The following CACNA2D1 variants were observed in gnomAD, a reference collection of about 807,000 sequenced individuals.
CACNA2D1 encodes calcium voltage-gated channel auxiliary subunit alpha2delta 1, also known as voltage-dependent calcium channel subunit alpha-2/delta-1.
CACNA2D1 carries 53 observed loss-of-function variants against 171.5 expected under a neutral mutation model. That is an observed-to-expected ratio of 0.31 (90% CI 0.25 to 0.39). The LOEUF (loss-of-function observed/expected upper bound fraction) is 0.39, where lower values mean the gene tolerates loss of function less well. Among genes scored for constraint, CACNA2D1 ranks in the 10% least tolerant of loss-of-function variants. The probability of loss-of-function intolerance (pLI) is 1.00; values close to 1 mark genes in which losing one functional copy is unlikely to be tolerated. For synonymous variants in CACNA2D1, 442 were observed against 443.1 expected (o/e 1.00, Z 0.03); for missense variants, 903 against 1,299.8 (o/e 0.69, Z 4.69).
intron 22 of CACNA2D1, 133 bp downstream of exon 22, chr7:81,984,502 A>G: frequency 1.5e-6 from 1 of 688,058 alleles, no homozygotes; most frequent in Admixed American, 2.0e-5. Context: ...GGTTAGAATC[A>G]TTGCTGTAGA....
chr7:82,030,172 AATG>A (rs1802500928), intron 12 of CACNA2D1, among the ~76,000 whole-genome samples: 1 of 151,862 alleles, frequency 6.6e-6, no homozygotes, highest in Non-Finnish European at 1.5e-5. Flanking sequence ...ATTTCAAGAT[AATG>A]ATATTTAGAT....
chr7:82,037,573 C>T (rs1416411181), intron 11 of CACNA2D1, among the ~76,000 whole-genome samples: 1 of 152,112 alleles, frequency 6.6e-6, no homozygotes. Context: ...GGAATCCTCA[C>T]TCAGAAAGAA....
chr7:82,157,357 T>G (rs1403360535), intron 4 of CACNA2D1, among the ~76,000 whole-genome samples: 6 of 152,132 alleles, frequency 3.9e-5, no homozygotes. Context: ...GAAAATGGCT[T>G]ATAATGTGAT....
At chr7:81,997,925 G>A (rs1372268290) in intron 18 of CACNA2D1, among the ~76,000 whole-genome samples, 1 of 151,754 alleles carries the variant, frequency 6.6e-6, no homozygotes, top group East Asian at 1.9e-4. Flanking sequence ...TAACCCCTGG[G>A]TTCAATGAAT....
intron 3 of CACNA2D1, among the ~76,000 whole-genome samples, chr7:82,306,680 C>A (rs946148241): frequency 6.6e-6 from 1 of 152,118 alleles, no homozygotes; most frequent in African/African-American, 2.4e-5. Context: ...GATCATGAGG[C>A]CTGCATCTTC....
intron 10 of CACNA2D1, among the ~76,000 whole-genome samples, chr7:82,058,590 G>C (rs1041422867): frequency 6.6e-6 from 1 of 152,154 alleles, no homozygotes; most frequent in South Asian, 2.1e-4. Context: ...TACAGGGTCA[G>C]ATAGATTGTA....
At chr7:82,003,766 T>C (rs1584367293) in intron 18 of CACNA2D1, among the ~76,000 whole-genome samples, 1 of 149,522 alleles carries the variant, frequency 6.7e-6, no homozygotes, top group Non-Finnish European at 1.5e-5. Context: ...TTTTTTGAGA[T>C]GGAGTTTCGC....
chr7:82,055,930 GTA>G (rs58786082), intron 10 of CACNA2D1, among the ~76,000 whole-genome samples: 28 of 111,454 alleles, frequency 2.5e-4, no homozygotes, highest in African/African-American at 3.2e-4. Flanking sequence ...GTGTGTGTGT[GTA>G]TATATATATA....
At chr7:82,018,867 C>T (rs1800829068) in intron 12 of CACNA2D1, among the ~76,000 whole-genome samples, 1 of 151,472 alleles carries the variant, frequency 6.6e-6, no homozygotes, top group African/African-American at 2.4e-5. Context: ...GCCTGTAATC[C>T]CAGCTACCCT....
intron 3 of CACNA2D1, among the ~76,000 whole-genome samples, chr7:82,324,391 T>A (rs200877621): frequency 2.1e-4 from 30 of 142,672 alleles, no homozygotes; most frequent in East Asian, 4.2e-4. Context: ...GGAGTTGTTT[T>A]AAAAAAAAAA....
At position 82,112,180 on chromosome 7, in the gene CACNA2D1, G is replaced by T. The variant is rs559402420; in HGVS notation, c.526+4864C>A. On this transcript the variant is annotated intron_variant, in intron 6 of 38. Coordinates refer to ENST00000356860, the MANE Select transcript of CACNA2D1 (RefSeq NM_000722.4). ...ATCTACCCTACACATATTAATCATT[G>T]TAAGTAACATCAAATAATCATATAT... 5.9e-5 allele frequency among the ~76,000 whole-genome samples: 9 copies of T among 152,162 alleles called. 1 individual carries two copies. Among genetic ancestry groups the T allele is most frequent in the African/African-American group, 2.2e-4 (9 of 41,528 alleles).
chr7:82,355,975 CTA>C (rs1292845647), intron 1 of CACNA2D1, among the ~76,000 whole-genome samples: 1 of 152,042 alleles, frequency 6.6e-6, no homozygotes, highest in African/African-American at 2.4e-5. Flanking sequence ...TATAAACCCT[CTA>C]TGTCCCTTCT....
intron 24 of CACNA2D1, 79 bp downstream of exon 24, chr7:81,982,488 C>G: frequency 1.2e-6 from 1 of 800,742 alleles, no homozygotes; most frequent in Admixed American, 1.7e-5. Flanking sequence ...TAACCCAGAG[C>G]AGTCTTGACT....
At chr7:82,418,682 C>G (rs1365291996) in intron 1 of CACNA2D1, among the ~76,000 whole-genome samples, 1 of 152,130 alleles carries the variant, frequency 6.6e-6, no homozygotes, top group Non-Finnish European at 1.5e-5. Context: ...TGTAAGTGCA[C>G]TGTCCTATAA....
chr7:82,121,165 C>T (rs940710525), intron 5 of CACNA2D1, among the ~76,000 whole-genome samples: 2 of 152,114 alleles, frequency 1.3e-5, no homozygotes, highest in African/African-American at 2.4e-5. Flanking sequence ...CTCCTACCTA[C>T]CTCAGCCTCC....
At chr7:82,081,999 C>G (rs936569587) in intron 7 of CACNA2D1, among the ~76,000 whole-genome samples, 2 of 152,188 alleles carry the variant, frequency 1.3e-5, no homozygotes, top group African/African-American at 4.8e-5. Flanking sequence ...AATGCGGAAA[C>G]GTGGTGGCAC....
intron 3 of CACNA2D1, among the ~76,000 whole-genome samples, chr7:82,277,590 T>A (rs1014172714): frequency 6.6e-6 from 1 of 152,100 alleles, no homozygotes; most frequent in African/African-American, 2.4e-5. Flanking sequence ...ATTGCCTTAG[T>A]AGGGTTGTGA....
At chr7:82,177,098 G>A (rs13225133) in intron 3 of CACNA2D1, among the ~76,000 whole-genome samples, 1 of 109,446 alleles carries the variant, frequency 9.1e-6, no homozygotes, top group Non-Finnish European at 1.9e-5. Flanking sequence ...GGCGGGGGTT[G>A]GGGGGCGGGC....
At chr7:82,147,984 C>T (rs1430988758) in intron 4 of CACNA2D1, among the ~76,000 whole-genome samples, 2 of 152,062 alleles carry the variant, frequency 1.3e-5, no homozygotes, top group Admixed American at 6.5e-5. Context: ...CCAGGAGAAA[C>T]ATCCAAGACG....
Sources: allele counts gnomAD v4.1 joint callset (sites outside exome capture counted in the v4.1 genomes callset), GRCh38; gene constraint gnomAD v4.1.1; transcripts MANE v1.5; gene names NCBI Gene and HGNC (gene_info 2026-07-23, HGNC 2026-07-21).